The following PAX7 variants were observed in gnomAD, a reference collection of about 807,000 sequenced individuals.
PAX7 encodes paired box 7, also known as paired box protein Pax-7.
A neutral mutation model predicts 50.7 loss-of-function variants in PAX7; 18 were observed. The ratio of observed to expected loss-of-function variants is 0.36; its 90% confidence interval spans 0.25 to 0.53. The LOEUF is 0.53. Among genes scored for constraint, PAX7 ranks in the 20% least tolerant of loss-of-function variants. The pLI is 0.93. For missense variants in PAX7, 644 were observed against 702.9 expected (o/e 0.92, Z 0.95); for synonymous variants, 310 against 290.4 (o/e 1.07, Z -0.69).
At chr1:18,682,823 A>T (rs1292713074) in intron 4 of PAX7, among the ~76,000 whole-genome samples, 2 of 152,150 alleles carry the variant, frequency 1.3e-5, no homozygotes, top group Non-Finnish European at 2.9e-5. Context: ...CGGGGTAGGC[A>T]GGACCTAGGG....
intron 7 of PAX7, among the ~76,000 whole-genome samples, chr1:18,703,620 G>C (rs934539172): frequency 1.3e-5 from 2 of 152,168 alleles, no homozygotes; most frequent in Admixed American, 1.3e-4. Context: ...ATTGCCTCGG[G>C]GTGCTGTTAG....
intron 7 of PAX7, among the ~76,000 whole-genome samples, chr1:18,722,880 T>C (rs2089512553): frequency 6.6e-6 from 1 of 152,194 alleles, no homozygotes; most frequent in African/African-American, 2.4e-5. Context: ...TTCCTCTCCA[T>C]CTTCTGTCTG....
chr1:18,735,611 C>T lies in PAX7; in HGVS notation c.1156-21C>T, dbSNP rs371729219. 99 of 1,601,056 alleles carry T rather than the reference C, an allele frequency of 6.2e-5. No individual in the cohort carries two copies. Among genetic ancestry groups the T allele is most frequent in the Non-Finnish European group, 8.2e-5 (96 of 1,171,438 alleles). On this transcript the variant is annotated intron_variant, in intron 7 of 8. Coordinates refer to ENST00000420770, the MANE Select transcript of PAX7 (RefSeq NM_001135254.2). This position sits in a 1 kb window ranked among gnomAD's most constrained non-coding sequence, Gnocchi z 4.0. Reference sequence around the variant, plus strand: ...TGGGGTCTGTCCGGTGAGCCTGGCACTAATGGCCTTTTCCCCACAGGTGAT... The same window carrying T: ...TGGGGTCTGTCCGGTGAGCCTGGCATTAATGGCCTTTTCCCCACAGGTGAT...
At chr1:18,654,201 C>A (rs549779828) in intron 4 of PAX7, among the ~76,000 whole-genome samples, 7 of 152,124 alleles carry the variant, frequency 4.6e-5, no homozygotes, top group African/African-American at 1.2e-4. Context: ...AGCCCTCCCC[C>A]CACCCGCCAG....
intron 4 of PAX7, among the ~76,000 whole-genome samples, chr1:18,671,178 G>A (rs1162410114): frequency 6.6e-6 from 1 of 152,204 alleles, no homozygotes. Context: ...GGGCCTAGAA[G>A]GCAATTCGGG....
At chr1:18,669,081 G>T (rs949769618) in intron 4 of PAX7, among the ~76,000 whole-genome samples, 1 of 152,198 alleles carries the variant, frequency 6.6e-6, no homozygotes, top group Non-Finnish European at 1.5e-5. Context: ...TTTTCCTTGG[G>T]GGCCCTTGGG....
rs776083868 is a variant in PAX7 at position 18,735,721 on chromosome 1, G to A, written c.1245G>A (p.Ser415=). The A allele has an allele frequency of 1.7e-5, 28 of 1,613,916 alleles. No individual in the cohort carries two copies. The highest frequency in any genetic ancestry group is 1.6e-4 in the African/African-American group (12 of 74,918). The stretch of plus-strand genomic sequence containing the variant: ...CCCCGCTGCATGGCGGCCTGGACTC[G>A]GCCACCTCCATCTCAGCCAGCTGCA... ...SISPLHGGLD[S]ATSISASCSQ... Residue 415 remains serine (S), a synonymous_variant, in exon 8 of 9, where the codon TCG becomes TCA. Transcript: ENST00000420770. This position sits in a 1 kb window ranked among gnomAD's most constrained non-coding sequence, Gnocchi z 4.0.
At position 18,635,204 on chromosome 1, in the gene PAX7, A is replaced by G. The variant is rs1205340753; in HGVS notation, c.415A>G (p.Lys139Glu). 2 of 1,613,904 alleles carry G rather than the reference A, an allele frequency of 1.2e-6. No homozygotes were observed. Among genetic ancestry groups the G allele is most frequent in the South Asian group, 2.2e-5 (2 of 91,064 alleles). Reference sequence around the variant, plus strand: ...CTGGGAGATCCGGGACAGGCTGCTGAAGGATGGGCACTGTGACCGAAGCAC... The same window carrying G: ...CTGGGAGATCCGGGACAGGCTGCTGGAGGATGGGCACTGTGACCGAAGCAC... The part of the protein sequence containing the change: ...FSWEIRDRLL[K>E]DGHCDRSTVP... Residue 139 changes from lysine (K) to glutamate (E), a missense_variant, in exon 3 of 9, where the codon AAG becomes GAG. Transcript: ENST00000420770.
At chr1:18,666,701 T>C (rs942609498) in intron 4 of PAX7, among the ~76,000 whole-genome samples, 7 of 152,194 alleles carry the variant, frequency 4.6e-5, no homozygotes, top group African/African-American at 1.7e-4. Flanking sequence ...ACCACCCCAT[T>C]GCCCGGCAAA....
intron 4 of PAX7, among the ~76,000 whole-genome samples, chr1:18,678,638 G>A (rs532025929): frequency 6.6e-6 from 1 of 152,274 alleles, no homozygotes; most frequent in East Asian, 1.9e-4. Flanking sequence ...TTGATACCAA[G>A]GGCTGAGAAG....
In PAX7 at chr1:18,746,655, C is replaced by T. The variant is rs1290510737; in HGVS notation, c.*1726C>T. On this transcript the variant is annotated 3_prime_UTR_variant, in exon 9 of 9. Coordinates refer to ENST00000420770, the MANE Select transcript of PAX7 (RefSeq NM_001135254.2). ...GGCCACCTCTTTGCTCAATCCATGC[C>T]TCTTGCCCTCAGTCAACAAGACATT... 2 of 230,870 alleles carry T rather than the reference C, an allele frequency of 8.7e-6. No homozygotes were observed. Among genetic ancestry groups the T allele is most frequent in the Non-Finnish European group, 1.7e-5 (2 of 116,610 alleles). The allele number at this position is 230,870 out of a possible 1,614,324, so 14.3% of individuals were successfully genotyped here.
At position 18,640,750 on chromosome 1, in the gene PAX7, G is replaced by A. The variant is rs984005742; in HGVS notation, c.586+4379G>A. 4.6e-5 allele frequency among the ~76,000 whole-genome samples: 7 copies of A among 151,964 alleles called. No individual in the cohort carries two copies. In the East Asian group the frequency reaches 1.4e-3, roughly 30 times the overall value. On this transcript the variant is annotated intron_variant, in intron 4 of 8. Coordinates refer to ENST00000420770, the MANE Select transcript of PAX7 (RefSeq NM_001135254.2). ...TCGGAGGAAGATGGGAGGGTGTCAG[G>A]CAATTCCCGGCTTTAGGCAGCGCTC...
intron 4 of PAX7, among the ~76,000 whole-genome samples, chr1:18,639,981 A>C (rs1374585934): frequency 1.5e-5 from 1 of 64,964 alleles, no homozygotes; most frequent in Non-Finnish European, 2.9e-5. Context: ...ATTTTTCTCC[A>C]GGGGACGGGG....
rs138097060 is a variant in PAX7 at position 18,728,348 on chromosome 1, T to C, written c.1156-7284T>C. 3.3e-5 allele frequency among the ~76,000 whole-genome samples: 5 copies of C among 152,136 alleles called. No individual in the cohort carries two copies. In the East Asian group the frequency reaches 9.7e-4, roughly 29 times the overall value. On this transcript the variant is annotated intron_variant, in intron 7 of 8. Transcript: ENST00000420770. ...CGTGTTGGCGTGTCTGTAATGTGTG[T>C]GTCTTCCTGCACGGGTGTCTGGGTG...
chr1:18,705,609 G>C (rs1440190639), intron 7 of PAX7, among the ~76,000 whole-genome samples: 1 of 152,206 alleles, frequency 6.6e-6, no homozygotes, highest in African/African-American at 2.4e-5. Flanking sequence ...GGACAAAAGA[G>C]AGACTTAGCA....
In PAX7 at chr1:18,740,419, G is replaced by A. The variant is rs72943152; in HGVS notation, c.1403-4395G>A. On this transcript the variant is annotated intron_variant, in intron 8 of 8. Coordinates refer to ENST00000420770, the MANE Select transcript of PAX7 (RefSeq NM_001135254.2). ...GGCCAGAGGCACAAGCAGGACCAAT[G>A]CAGACTCCTCCTCCATGTCACGCAC... is the stretch of plus-strand genomic sequence containing the variant. Among the ~76,000 whole-genome samples the A allele has an allele frequency of 4.0e-3, 609 of 152,310 alleles. 3 individuals are homozygous for A. The highest frequency in any genetic ancestry group is 0.014 in the African/African-American group (586 of 41,558).
At chr1:18,715,664 C>G (rs2089410972) in intron 7 of PAX7, among the ~76,000 whole-genome samples, 1 of 152,216 alleles carries the variant, frequency 6.6e-6, no homozygotes, top group African/African-American at 2.4e-5. Flanking sequence ...TGACCCCAAA[C>G]AGGCTCTTCC....
At chr1:18,721,158 T>C (rs1451611203) in intron 7 of PAX7, among the ~76,000 whole-genome samples, 1 of 152,068 alleles carries the variant, frequency 6.6e-6, no homozygotes, top group African/African-American at 2.4e-5. Context: ...CCTTTTCCCA[T>C]GCACAGGGGG....
intron 7 of PAX7, among the ~76,000 whole-genome samples, chr1:18,734,679 C>CACT (rs1373131494): frequency 6.6e-6 from 1 of 152,188 alleles, no homozygotes; most frequent in Non-Finnish European, 1.5e-5. Flanking sequence ...ATGCCTGTAT[C>CACT]ACTACTCCAT....
Sources: allele counts gnomAD v4.1 joint callset (sites outside exome capture counted in the v4.1 genomes callset), GRCh38; gene constraint gnomAD v4.1.1; non-coding constraint Gnocchi (gnomAD v3.1); transcripts MANE v1.5; gene names NCBI Gene and HGNC (gene_info 2026-07-23, HGNC 2026-07-21).